ATRNL1: variants seen among roughly 807,000 people sequenced by gnomAD.
ATRNL1 encodes the protein attractin like 1, also known as attractin-like protein 1.
Under a neutral mutation model 182.7 loss-of-function variants are expected in ATRNL1, and 95 were observed. The observed-to-expected ratio is 0.52, with a 90% confidence interval of 0.44 to 0.62. ATRNL1 has a LOEUF of 0.62. ATRNL1 is among the 20% of genes least tolerant of loss of function. The pLI is 0.00. For missense variants in ATRNL1, 1,471 were observed against 1,679.5 expected, an observed-to-expected ratio of 0.88 and a Z score of 2.17; for synonymous variants, 576 against 568.3, an observed-to-expected ratio of 1.01 and a Z score of -0.19.
intron 26 of ATRNL1, among the ~76,000 whole-genome samples, chr10:115,726,379 T>C (rs2134057750): frequency 7.0e-6 from 1 of 143,030 alleles, no homozygotes; most frequent in Non-Finnish European, 1.5e-5. Context: ...GCATCACACG[T>C]CCTATTTTAA....
chr10:115,146,375 A>G (rs1424246611), intron 5 of ATRNL1, among the ~76,000 whole-genome samples: 3 of 152,074 alleles, frequency 2.0e-5, no homozygotes, highest in African/African-American at 7.2e-5. Context: ...TTTATGGGGT[A>G]TATGTGAGTA....
intron 17 of ATRNL1, among the ~76,000 whole-genome samples, chr10:115,304,465 G>A (rs984518773): frequency 6.6e-6 from 1 of 152,176 alleles, no homozygotes; most frequent in South Asian, 2.1e-4. Flanking sequence ...CACACGTGGA[G>A]TGGTTTTAAG....
chr10:115,626,680 A>T (rs1858120712), intron 26 of ATRNL1, among the ~76,000 whole-genome samples: 1 of 152,220 alleles, frequency 6.6e-6, no homozygotes, highest in African/African-American at 2.4e-5. Flanking sequence ...GATTTCACAG[A>T]CTACATTAGG....
At chr10:115,134,022 G>A (rs1845388424) in intron 5 of ATRNL1, among the ~76,000 whole-genome samples, 1 of 152,022 alleles carries the variant, frequency 6.6e-6, no homozygotes, top group South Asian at 2.1e-4. Context: ...CACAATCTCT[G>A]GGACACATTC....
At chr10:115,664,772 A>T (rs1046135116) in intron 26 of ATRNL1, among the ~76,000 whole-genome samples, 1 of 152,098 alleles carries the variant, frequency 6.6e-6, no homozygotes, top group Non-Finnish European at 1.5e-5. Flanking sequence ...CACTCCTAGA[A>T]TTAGAATCCA....
chr10:115,183,788 G>A (rs1377597505), intron 8 of ATRNL1, among the ~76,000 whole-genome samples: 1 of 151,398 alleles, frequency 6.6e-6, no homozygotes, highest in African/African-American at 2.4e-5. Context: ...ATAAAGGAAG[G>A]AAACTTCCAA....
intron 21 of ATRNL1, among the ~76,000 whole-genome samples, chr10:115,429,009 C>A (rs76599679): frequency 6.6e-6 from 1 of 152,018 alleles, no homozygotes; most frequent in African/African-American, 2.4e-5. Flanking sequence ...CTCATCAATA[C>A]AACATTGTCT....
At chr10:115,467,304 T>C (rs1848100420) in intron 23 of ATRNL1, 52 bp downstream of exon 23, 1 of 1,317,892 alleles carries the variant, frequency 7.6e-7, no homozygotes, top group Admixed American at 1.9e-5. Flanking sequence ...TATCTGGAAG[T>C]TGTTCTAACA....
At chr10:115,223,929 ATTTTTTTTT>A (rs1223695295) in intron 9 of ATRNL1, among the ~76,000 whole-genome samples, 4 of 44,714 alleles carry the variant, frequency 8.9e-5, no homozygotes, top group Non-Finnish European at 1.8e-4. Context: ...ATATATATAT[ATTTTTTTTT>A]TTTTTTTTTT....
At chr10:115,389,932 T>C (rs1352714647) in intron 19 of ATRNL1, among the ~76,000 whole-genome samples, 1 of 152,108 alleles carries the variant, frequency 6.6e-6, no homozygotes, top group Non-Finnish European at 1.5e-5. Flanking sequence ...TTAATTTACA[T>C]TTTCCTAATG....
At chr10:115,348,017 A>C (rs1856053623) in intron 19 of ATRNL1, among the ~76,000 whole-genome samples, 2 of 152,218 alleles carry the variant, frequency 1.3e-5, no homozygotes, top group Admixed American at 1.3e-4. Flanking sequence ...TCTGTTGCCC[A>C]GGCTGGAGTG....
At chr10:115,764,688 G>A (rs1035690447) in intron 27 of ATRNL1, among the ~76,000 whole-genome samples, 1 of 151,610 alleles carries the variant, frequency 6.6e-6, no homozygotes, top group African/African-American at 2.4e-5. Flanking sequence ...TTTTGTTGTT[G>A]TTGAGATGGA....
Position 115,302,030 on chromosome 10 carries a change from TGCCACC to T in ATRNL1, c.2806_2811del (p.Ala936_Thr937del). On this transcript the variant is annotated inframe_deletion, in exon 17 of 29. Coordinates refer to ENST00000355044, the MANE Select transcript of ATRNL1 (RefSeq NM_207303.4). ...ATGGACAATGTCTAGAGTGGCAAAC[TGCCACC>T]TGCTCCCGTAAGTATTTATCTAGAG... The T allele has an allele frequency of 1.9e-6, 3 of 1,612,418 alleles. No homozygotes were observed. Among genetic ancestry groups the T allele is most frequent in the Non-Finnish European group, 2.5e-6 (3 of 1,179,288 alleles).
intron 10 of ATRNL1, among the ~76,000 whole-genome samples, chr10:115,247,815 A>G (rs1260105358): frequency 5.3e-5 from 8 of 152,216 alleles, no homozygotes; most frequent in Admixed American, 5.2e-4. Flanking sequence ...TGTGGTATAT[A>G]TACATGCTGA....
chr10:115,921,113 A>C (rs868956102), intron 28 of ATRNL1, among the ~76,000 whole-genome samples: 3 of 152,172 alleles, frequency 2.0e-5, no homozygotes, highest in African/African-American at 7.2e-5. Flanking sequence ...TCACGAAAGG[A>C]GGTCCCTGAA....
At chr10:115,800,273 C>T (rs554192554) in intron 27 of ATRNL1, among the ~76,000 whole-genome samples, 15 of 151,896 alleles carry the variant, frequency 9.9e-5, no homozygotes, top group African/African-American at 3.4e-4. Context: ...ATGTCTCTTG[C>T]CCAAGAGCTG....
intron 27 of ATRNL1, among the ~76,000 whole-genome samples, chr10:115,756,236 G>C (rs1405425803): frequency 6.6e-6 from 1 of 152,010 alleles, no homozygotes; most frequent in African/African-American, 2.4e-5. Context: ...TGCTTCTCTA[G>C]TTCTTTTAAT....
intron 27 of ATRNL1, among the ~76,000 whole-genome samples, chr10:115,817,718 A>G (rs1444897696): frequency 1.3e-5 from 2 of 151,838 alleles, no homozygotes; most frequent in Non-Finnish European, 2.9e-5. Context: ...CATGCGCTGA[A>G]TTAACACTTA....
At chr10:115,632,431 T>G (rs1055996553) in intron 26 of ATRNL1, among the ~76,000 whole-genome samples, 3 of 152,162 alleles carry the variant, frequency 2.0e-5, no homozygotes, top group Non-Finnish European at 2.9e-5. Context: ...AAATAAGAAC[T>G]CCTGTTATAT....
Sources: gnomAD v4.1 joint callset for allele counts (sites outside exome capture counted in the v4.1 genomes callset) on GRCh38, gnomAD v4.1.1 for gene constraint, MANE v1.5 for transcripts, NCBI Gene and HGNC (gene_info 2026-07-23, HGNC 2026-07-21) for gene names.